The following SLC9C1 variants were observed in gnomAD, a reference collection of about 807,000 sequenced individuals.
The protein encoded by SLC9C1 is solute carrier family 9 member C1.
In SLC9C1, 97 loss-of-function variants were observed where a neutral mutation model predicts 140.9. The ratio of observed to expected loss-of-function variants is 0.69; its 90% CI spans 0.58 to 0.82. SLC9C1 has a LOEUF of 0.82. SLC9C1 is among the 40% of genes least tolerant of loss of function. The probability of loss-of-function intolerance (pLI) is 0.00; values close to 1 mark genes in which losing one functional copy is unlikely to be tolerated. For synonymous variants in SLC9C1, 440 were observed against 442.6 expected, an observed-to-expected ratio of 0.99 and a Z score of 0.07; for missense variants, 1,340 against 1,389.3, an observed-to-expected ratio of 0.96 and a Z score of 0.56.
At chr3:112,258,410 T>G (rs989215429) in intron 10 of SLC9C1, among the ~76,000 whole-genome samples, 32 of 76,302 alleles carry the variant, frequency 4.2e-4, no homozygotes, top group African/African-American at 1.1e-3. Context: ...GTTTTTTTGT[T>G]TGTTTGTTTG....
intron 3 of SLC9C1, among the ~76,000 whole-genome samples, chr3:112,279,570 C>T (rs1267863692): frequency 2.6e-5 from 4 of 152,018 alleles, no homozygotes; most frequent in Non-Finnish European, 5.9e-5. Context: ...GTGATTGTAC[C>T]AAATTCTAAA....
intron 11 of SLC9C1, among the ~76,000 whole-genome samples, chr3:112,242,931 A>C (rs1318612926): frequency 1.3e-5 from 2 of 152,184 alleles, no homozygotes; most frequent in Non-Finnish European, 2.9e-5. Flanking sequence ...CATCATCACT[A>C]ATCATAAAAG....
At chr3:112,280,963 T>C (rs1432900970) in intron 2 of SLC9C1, among the ~76,000 whole-genome samples, 180 bp from the exon 3 acceptor site, 1 of 152,238 alleles carries the variant, frequency 6.6e-6, no homozygotes, top group Admixed American at 6.5e-5. Context: ...TCTACCGGGT[T>C]ACTGTTTTAC....
chr3:112,200,870 A>G lies in SLC9C1; in HGVS notation c.2323-108T>C, dbSNP rs965160777. 4 of 971,770 alleles carry G rather than the reference A, an allele frequency of 4.1e-6. No homozygotes were observed. The East Asian group carries it at 1.0e-4, about 26-fold the overall frequency. 60.2% of individuals were successfully genotyped at this position (971,770 alleles called of 1,614,324 possible). A position where few individuals can be genotyped will look rare whatever the true frequency, so the allele number is the denominator to read the frequency against. On this transcript the variant is annotated intron_variant, in intron 18 of 28. Coordinates refer to ENST00000305815, the MANE Select transcript of SLC9C1 (RefSeq NM_183061.3). Reference sequence around the variant, plus strand: ...AACCTAAGTTAATAGTTTTAAGAGAAGTAGGATGAAGAGGTTTTCAGGGGT... The same window carrying G: ...AACCTAAGTTAATAGTTTTAAGAGAGGTAGGATGAAGAGGTTTTCAGGGGT...
chr3:112,260,303 A>G (rs1050991531), intron 10 of SLC9C1, among the ~76,000 whole-genome samples: 1 of 151,072 alleles, frequency 6.6e-6, no homozygotes, highest in Non-Finnish European at 1.5e-5. Flanking sequence ...TAGTTTTTTT[A>G]TGGTTTCAAT....
chr3:112,154,344 G>A lies in SLC9C1; in HGVS notation c.3417+653C>T, dbSNP rs1397832129. Among the ~76,000 whole-genome samples, 3 of 152,006 alleles carry A rather than the reference G, an allele frequency of 2.0e-5. No homozygotes were observed. In the East Asian group the frequency reaches 5.8e-4, roughly 29 times the overall value. On this transcript the variant is annotated intron_variant, in intron 27 of 28. Coordinates refer to ENST00000305815, the MANE Select transcript of SLC9C1 (RefSeq NM_183061.3). ...GACACAGGTAGGATGATGTAGATTT[G>A]GTGGGGTATTTTCATTATATTTCTC...
At chr3:112,229,553 T>G (rs1459593741) in intron 13 of SLC9C1, among the ~76,000 whole-genome samples, 1 of 152,046 alleles carries the variant, frequency 6.6e-6, no homozygotes, top group Non-Finnish European at 1.5e-5. Context: ...AAGGTAAAAT[T>G]TAATAACACA....
chr3:112,236,047 C>G (rs1324427239), intron 12 of SLC9C1, among the ~76,000 whole-genome samples: 3 of 152,220 alleles, frequency 2.0e-5, no homozygotes, highest in East Asian at 1.9e-4. Context: ...AGGAATGGTA[C>G]CAGCTCCTCC....
At position 112,199,337 on chromosome 3, in the gene SLC9C1, C is replaced by T. The variant is rs1205759747; in HGVS notation, c.2507G>A (p.Gly836Asp). The T allele has an allele frequency of 1.9e-6, 3 of 1,575,542 alleles. No individual in the cohort carries two copies. Among genetic ancestry groups the T allele is most frequent in the East Asian group, 4.6e-5 (2 of 43,926 alleles). Residue 836 changes from glycine to aspartate, a missense_variant, in exon 20 of 29, where the codon GGT becomes GAT. By Grantham distance (94) the Gly-to-Asp change is moderately conservative. Coordinates refer to ENST00000305815, the MANE Select transcript of SLC9C1 (RefSeq NM_183061.3). Reference sequence around the variant, plus strand: ...TTGCCTTACCTTATTAATTCCAGCACCTTCAGTTTTACTAATAATTCCTTT... The same window carrying T: ...TTGCCTTACCTTATTAATTCCAGCATCTTCAGTTTTACTAATAATTCCTTT... ...GLKGIISKTE[G>D]AGINKLIMAK... is the part of the protein sequence containing the mutation.
intron 20 of SLC9C1, among the ~76,000 whole-genome samples, chr3:112,182,699 A>G (rs1428365839): frequency 6.6e-6 from 1 of 152,206 alleles, no homozygotes; most frequent in East Asian, 1.9e-4. Flanking sequence ...CAAAGTAAAA[A>G]CATCTGTGTA....
chr3:112,167,167 T>A, intron 26 of SLC9C1, 54 bp downstream of exon 26: 2 of 1,585,914 alleles, frequency 1.3e-6, no homozygotes, highest in Non-Finnish European at 1.7e-6. Context: ...CACATATGGC[T>A]ATTTTATAAA....
chr3:112,247,561 C>T (rs1826392), intron 10 of SLC9C1, among the ~76,000 whole-genome samples: 89,963 of 151,962 alleles, frequency 0.59, 27,148 homozygotes, highest in East Asian at 0.79. Context: ...TTAAGCTGCA[C>T]AATTGAGTAG....
chr3:112,276,916 C>A (rs2080229678), intron 5 of SLC9C1, among the ~76,000 whole-genome samples: 2 of 152,102 alleles, frequency 1.3e-5, no homozygotes, highest in Admixed American at 6.6e-5. Flanking sequence ...TGATGTGTCT[C>A]CCCTACTCTA....
chr3:112,210,895 A>G (rs1449358370), intron 15 of SLC9C1, among the ~76,000 whole-genome samples: 1 of 152,166 alleles, frequency 6.6e-6, no homozygotes, highest in East Asian at 1.9e-4. Flanking sequence ...TAAAAAATTA[A>G]AAGGATGCAG....
chr3:112,227,869 C>A (rs1244312306), intron 13 of SLC9C1, among the ~76,000 whole-genome samples: 3 of 151,930 alleles, frequency 2.0e-5, no homozygotes, highest in Non-Finnish European at 4.4e-5. Context: ...AATGAAAGAC[C>A]TCTACAATGA....
intron 13 of SLC9C1, among the ~76,000 whole-genome samples, chr3:112,231,140 T>C (rs9288944): frequency 0.46 from 44,984 of 97,570 alleles, 7,269 homozygotes; most frequent in East Asian, 0.59. Context: ...CTCTCTCTTT[T>C]TCTCCCTTTC....
chr3:112,206,283 T>C (rs904838812), intron 16 of SLC9C1, among the ~76,000 whole-genome samples: 14 of 151,806 alleles, frequency 9.2e-5, no homozygotes, highest in African/African-American at 3.4e-4. Context: ...GAAATGCAAA[T>C]CAAAACCACA....
intron 20 of SLC9C1, among the ~76,000 whole-genome samples, chr3:112,187,713 T>A (rs2077565644): frequency 6.6e-6 from 1 of 152,114 alleles, no homozygotes; most frequent in Non-Finnish European, 1.5e-5. Context: ...ATAAAATAAA[T>A]AGCTAAGGCT....
chr3:112,143,020 A>G (rs181535936), intron 28 of SLC9C1, among the ~76,000 whole-genome samples: 140 of 152,290 alleles, frequency 9.2e-4, no homozygotes, highest in Non-Finnish European at 1.5e-3. Context: ...TTTGCTTAGG[A>G]TAATGGGTTT....
Sources: allele counts gnomAD v4.1 joint callset (sites outside exome capture counted in the v4.1 genomes callset), GRCh38; gene constraint gnomAD v4.1.1; transcripts MANE v1.5; gene names NCBI Gene and HGNC (gene_info 2026-07-23, HGNC 2026-07-21).